DPY19L3: variants seen among roughly 807,000 people sequenced by gnomAD.
DPY19L3 encodes dpy-19 like C-mannosyltransferase 3.
A neutral mutation model predicts 92.3 loss-of-function variants in DPY19L3; 51 were observed. That is an observed-to-expected ratio of 0.55 (90% CI 0.44 to 0.70). The LOEUF (loss-of-function observed/expected upper bound fraction) is 0.70, where lower values mean the gene tolerates loss of function less well. Among genes scored for constraint, DPY19L3 ranks in the 30% least tolerant of loss-of-function variants. DPY19L3 has a pLI of 0.00. For missense variants in DPY19L3, 706 were observed against 855.9 expected (o/e 0.82, Z 2.18); for synonymous variants, 309 against 315.2 (o/e 0.98, Z 0.21).
intron 8 of DPY19L3, among the ~76,000 whole-genome samples, chr19:32,445,681 ACTTTT>A (rs1223150990): frequency 3.3e-5 from 5 of 152,124 alleles, no homozygotes; most frequent in African/African-American, 9.7e-5. Context: ...AATATAACAG[ACTTTT>A]CTTATTCTCT....
intron 3 of DPY19L3, 38 bp from the exon 4 acceptor site, chr19:32,432,678 T>G: frequency 6.4e-7 from 1 of 1,566,012 alleles, no homozygotes; most frequent in Non-Finnish European, 8.8e-7. Flanking sequence ...TAAACAAAAC[T>G]AGGTCACATA....
At chr19:32,456,599 A>G (rs564942088) in intron 10 of DPY19L3, among the ~76,000 whole-genome samples, 1 of 151,418 alleles carries the variant, frequency 6.6e-6, no homozygotes, top group East Asian at 2.0e-4. Context: ...GCCCCTGGCT[A>G]ATTTTCACAA....
intron 3 of DPY19L3, among the ~76,000 whole-genome samples, chr19:32,418,683 A>G (rs1968459041): frequency 6.6e-6 from 1 of 152,158 alleles, no homozygotes; most frequent in Non-Finnish European, 1.5e-5. Context: ...AGAAGAGTAA[A>G]TCTGCTTTCC....
chr19:32,411,336 G>A lies in DPY19L3; in HGVS notation c.201G>A (p.Thr67=), dbSNP rs149670058. 109 of 1,613,892 alleles carry A rather than the reference G, an allele frequency of 6.8e-5. No homozygotes were observed. Among genetic ancestry groups the A allele is most frequent in the Middle Eastern group, 1.6e-4 (1 of 6,066 alleles). ...IGLLTSVYLA[T]LHENDLWFSN... is the part of the protein sequence containing the mutation. ...TTCTTACATCTGTCTACCTTGCCAC[G>A]TTACATGAAAATGATTTATGGTTTT... Residue 67 remains threonine, a synonymous_variant, in exon 3 of 19, where the codon ACG becomes ACA. Transcript: ENST00000392250.
Position 32,422,811 on chromosome 19 carries a change from A to T in DPY19L3, c.238-9905A>T, listed in dbSNP as rs1968618921. Among the ~76,000 whole-genome samples, 3 of 152,246 alleles carry T rather than the reference A, an allele frequency of 2.0e-5. No individual in the cohort carries two copies. The South Asian group carries it at 6.2e-4, about 31-fold the overall frequency. On this transcript the variant is annotated intron_variant, in intron 3 of 18. Coordinates refer to ENST00000392250, the MANE Select transcript of DPY19L3 (RefSeq NM_001172774.2). ...CTGAAGTTGCTGAACTTAAATATGT[A>T]AAGAAACCTTTGGACATTCTAGACG...
At chr19:32,436,107 A>G (rs950568420) in intron 4 of DPY19L3, among the ~76,000 whole-genome samples, 5 of 152,234 alleles carry the variant, frequency 3.3e-5, no homozygotes, top group Non-Finnish European at 7.3e-5. Flanking sequence ...ATACTCTCCC[A>G]AAGGAGATAC....
chr19:32,436,415 A>G, intron 4 of DPY19L3, 31 bp from the exon 5 acceptor site: 1 of 1,412,112 alleles, frequency 7.1e-7, no homozygotes, highest in Non-Finnish European at 9.6e-7. Flanking sequence ...GAGTGTAATT[A>G]TTTTCTTCCT....
chr19:32,438,671 C>T (rs1357810743), intron 6 of DPY19L3, among the ~76,000 whole-genome samples: 1 of 152,060 alleles, frequency 6.6e-6, no homozygotes, highest in Non-Finnish European at 1.5e-5. Flanking sequence ...TGTTGGGATT[C>T]ACATTCTAGA....
chr19:32,459,691 T>C (rs1053850410), intron 12 of DPY19L3, among the ~76,000 whole-genome samples: 2 of 152,180 alleles, frequency 1.3e-5, no homozygotes, highest in African/African-American at 4.8e-5. Context: ...AGTATCTTCC[T>C]GAAAATGTCT....
intron 16 of DPY19L3, among the ~76,000 whole-genome samples, chr19:32,473,427 CTG>C (rs1272127884): frequency 6.6e-6 from 1 of 152,216 alleles, no homozygotes; most frequent in Non-Finnish European, 1.5e-5. Flanking sequence ...AGACCACAGA[CTG>C]TATCAGGCAA....
Position 32,463,281 on chromosome 19 carries a change from A to G in DPY19L3, c.1323-85A>G, listed in dbSNP as rs1970097314. On this transcript the variant is annotated intron_variant, in intron 12 of 18. Coordinates refer to ENST00000392250, the MANE Select transcript of DPY19L3 (RefSeq NM_001172774.2). ...TCAATTTCTGAATACATAAAGGCAT[A>G]CATTTCTTGTATCTTCTTCTTTTAC... 3 of 1,442,158 alleles carry G rather than the reference A, an allele frequency of 2.1e-6. 1 individual carries two copies. In the South Asian group the frequency reaches 3.6e-5, roughly 17 times the overall value. The allele number at this position is 1,442,158 out of a possible 1,614,324, so 89.3% of individuals were successfully genotyped here.
At chr19:32,412,320 G>T (rs909195623) in intron 3 of DPY19L3, 2 of 151,764 alleles carry the variant, frequency 1.3e-5, no homozygotes, top group African/African-American at 4.8e-5. Flanking sequence ...CAAAAAGAAA[G>T]AATACTATCA....
chr19:32,442,896 A>G (rs532857676), intron 8 of DPY19L3, among the ~76,000 whole-genome samples: 1 of 152,198 alleles, frequency 6.6e-6, no homozygotes, highest in Non-Finnish European at 1.5e-5. Flanking sequence ...GAGCTATGTC[A>G]GAGAAGTCTA....
intron 12 of DPY19L3, among the ~76,000 whole-genome samples, chr19:32,458,732 T>C (rs1969947621): frequency 6.6e-6 from 1 of 152,186 alleles, no homozygotes; most frequent in African/African-American, 2.4e-5. Context: ...GCCTGCACAC[T>C]TGGGAACAAA....
At chr19:32,445,183 T>A (rs1969450216) in intron 8 of DPY19L3, among the ~76,000 whole-genome samples, 1 of 151,516 alleles carries the variant, frequency 6.6e-6, no homozygotes, top group African/African-American at 2.4e-5. Context: ...GGCTCACGCC[T>A]GTAATCCCAT....
At chr19:32,426,970 GTGTTC>G (rs1968785443) in intron 3 of DPY19L3, among the ~76,000 whole-genome samples, 1 of 152,156 alleles carries the variant, frequency 6.6e-6, no homozygotes, top group Admixed American at 6.6e-5. Context: ...TGTTTACAAT[GTGTTC>G]TTTCTTTGGT....
At chr19:32,435,559 C>G (rs1364801187) in intron 4 of DPY19L3, among the ~76,000 whole-genome samples, 1 of 152,200 alleles carries the variant, frequency 6.6e-6, no homozygotes, top group Non-Finnish European at 1.5e-5. Flanking sequence ...ATAGAGATGA[C>G]ACCATTTTGT....
chr19:32,455,001 G>T lies in DPY19L3; in HGVS notation c.1050G>T (p.Met350Ile). 1 of 1,570,750 alleles carries T rather than the reference G, an allele frequency of 6.4e-7. No individual in the cohort carries two copies. Among genetic ancestry groups the T allele is most frequent in the Non-Finnish European group, 8.6e-7 (1 of 1,167,258 alleles). Residue 350 changes from methionine to isoleucine, a missense_variant, in exon 10 of 19, where the codon ATG (methionine) becomes ATT (isoleucine). Transcript: ENST00000392250. Reference sequence around the variant, plus strand: ...GGAAACTTTTGTTACATTTATTTATGGTTTTATGTTTGACACTTTTTCTCA... The same window carrying T: ...GGAAACTTTTGTTACATTTATTTATTGTTTTATGTTTGACACTTTTTCTCA... ...RLGKLLLHLF[M>I]VLCLTLFLNN... is the part of the protein sequence containing the mutation.
intron 8 of DPY19L3, among the ~76,000 whole-genome samples, chr19:32,451,766 A>T (rs1237905918): frequency 6.6e-6 from 1 of 152,128 alleles, no homozygotes; most frequent in Non-Finnish European, 1.5e-5. Context: ...CAACCTATCA[A>T]TAAGTTTCAT....
Sources: allele counts gnomAD v4.1 joint callset (sites outside exome capture counted in the v4.1 genomes callset), GRCh38; gene constraint gnomAD v4.1.1; transcripts MANE v1.5; gene names NCBI Gene and HGNC (gene_info 2026-07-23, HGNC 2026-07-21).